CAPNS1: variants seen among roughly 807,000 people sequenced by gnomAD.
CAPNS1 encodes the protein CANP small subunit.
A neutral mutation model predicts 39.2 loss-of-function variants in CAPNS1; 32 were observed. The ratio of observed to expected loss-of-function variants is 0.82; its 90% CI spans 0.62 to 1.10. CAPNS1 has a LOEUF of 1.10. Ranked by LOEUF, CAPNS1 falls within the 50% of genes least tolerant of loss-of-function variation. The pLI is 0.00. For missense variants in CAPNS1, 353 were observed against 373.1 expected (o/e 0.95, Z 0.44); for synonymous variants, 153 against 136.2 (o/e 1.12, Z -0.86).
Position 36,146,069 on chromosome 19 carries a change from G to T in CAPNS1, c.604+15G>T. On this transcript the variant is annotated intron_variant, in intron 8 of 10. Coordinates refer to ENST00000246533, the MANE Select transcript of CAPNS1 (RefSeq NM_001749.4). ...TGAGGCAGCAGGTATGGCTGGCAGG[G>T]ACATGCTGGGGCTGGGAGTGGGATG... The T allele has an allele frequency of 6.2e-7, 1 of 1,613,380 alleles. No homozygotes were observed. Among genetic ancestry groups the T allele is most frequent in the Non-Finnish European group, 8.5e-7 (1 of 1,179,356 alleles).
Position 36,141,063 on chromosome 19 carries a change from G to C in CAPNS1, c.52G>C (p.Gly18Arg). ...LKGGGGGGGG[G>R]GGLGGGLGNV... ...GGGCGGCGGCGGCGGCGGCGGGGGA[G>C]GCGGGGGCCTGGGTGGGGGCCTGGG... Residue 18 changes from glycine to arginine, a missense_variant, in exon 2 of 11, where the codon GGC becomes CGC. Coordinates refer to ENST00000246533, the MANE Select transcript of CAPNS1 (RefSeq NM_001749.4). 1 of 1,524,960 alleles carries C rather than the reference G, an allele frequency of 6.6e-7. No individual in the cohort carries two copies. Among genetic ancestry groups the C allele is most frequent in the Middle Eastern group, 2.3e-4 (1 of 4,264 alleles). The allele number at this position is 1,524,960 out of a possible 1,614,324, so 94.5% of individuals were successfully genotyped here. A position where few individuals can be genotyped will look rare whatever the true frequency, so the allele number is the denominator to read the frequency against.
Position 36,142,967 on chromosome 19 carries a change from G to C in CAPNS1, c.391+1G>C. On this transcript the variant is annotated splice_donor_variant, in intron 5 of 10. Transcript: ENST00000246533. LOFTEE classifies it high-confidence loss of function. ...ATTCTCAATAAGGTTGTGACACGAC[G>C]TAAGTGACCGGGGTTAAGGAATAGG... 1 of 1,614,160 alleles carries C rather than the reference G, an allele frequency of 6.2e-7. No homozygotes were observed. Among genetic ancestry groups the C allele is most frequent in the East Asian group, 2.2e-5 (1 of 44,882 alleles).
At chr19:36,144,482 C>T (rs1036429179) in intron 6 of CAPNS1, among the ~76,000 whole-genome samples, 6 of 152,302 alleles carry the variant, frequency 3.9e-5, no homozygotes, top group Non-Finnish European at 8.8e-5. Context: ...CAGGGACACA[C>T]GTGTTATCTG....
In CAPNS1 at chr19:36,141,121, G is replaced by GA; in HGVS notation, c.110_111insA (p.Gly39ArgfsTer53). The GA allele has an allele frequency of 2.9e-6, 4 of 1,379,766 alleles. No homozygotes were observed. Among genetic ancestry groups the GA allele is most frequent in the Non-Finnish European group, 3.8e-6 (4 of 1,066,228 alleles). 85.5% of individuals were successfully genotyped at this position (1,379,766 alleles called of 1,614,324 possible). On this transcript the variant is annotated frameshift_variant, in exon 2 of 11. Transcript: ENST00000246533. LOFTEE classifies it high-confidence loss of function. Reference sequence around the variant, plus strand: ...CTTGGAGGCCTGATCAGCGGGGCCGGGGGCGGCGGCGGCGGCGGCGGCGGC... The same window carrying GA: ...CTTGGAGGCCTGATCAGCGGGGCCGGAGGGCGGCGGCGGCGGCGGCGGCGGC...
intron 2 of CAPNS1, chr19:36,141,818 G>C (rs1284751628): frequency 9.7e-6 from 2 of 205,662 alleles, no homozygotes; most frequent in African/African-American, 2.4e-5. Flanking sequence ...TGAAGGGGCG[G>C]GGACCAATGG....
Position 36,142,670 on chromosome 19 carries a change from T to C in CAPNS1, c.262T>C (p.Ser88Pro), listed in dbSNP as rs769151310. The change falls in exon 4 of 11, where the codon TCC becomes CCC. Residue 88 changes from serine (S) to proline (P), a missense_variant. Physicochemically the swap from Ser to Pro is moderately conservative, Grantham distance 74. Coordinates refer to ENST00000246533, the MANE Select transcript of CAPNS1 (RefSeq NM_001749.4). Reference protein sequence around the residue: ...PEPPPPRTHYSNIEANESEEV... With the variant: ...PEPPPPRTHYPNIEANESEEV... ...TTTGCAGCCCCCACGCACACATTAC[T>C]CCAACATTGAGGCCAACGAGAGTGA... The C allele has an allele frequency of 5.6e-6, 9 of 1,613,882 alleles. No individual in the cohort carries two copies. The Admixed American group carries it at 1.3e-4, about 24-fold the overall frequency.
chr19:36,143,041 G>T, intron 5 of CAPNS1, 23 bp from the exon 6 acceptor site: 1 of 1,614,090 alleles, frequency 6.2e-7, no homozygotes, highest in Non-Finnish European at 8.5e-7. Context: ...TCTGGCCTCT[G>T]ACTTTCAACC....
rs1404061685 is a variant in CAPNS1, at chr19:36,140,988, T to A, written c.-15-9T>A. 2 of 1,556,034 alleles carry A rather than the reference T, an allele frequency of 1.3e-6. No homozygotes were observed. The highest frequency in any genetic ancestry group is 1.7e-6 in the Non-Finnish European group (2 of 1,148,306). On this transcript the variant is annotated splice_polypyrimidine_tract_variant and intron_variant, in intron 1 of 10. Coordinates refer to ENST00000246533, the MANE Select transcript of CAPNS1 (RefSeq NM_001749.4). ...CGAAGCACCCACTGGTCCCCTTTTT[T>A]CCCCCCAGCAGTGAGTCGCAGCCAT... is the stretch of plus-strand genomic sequence containing the variant.
chr19:36,144,864 C>A (rs1337986052), intron 6 of CAPNS1, among the ~76,000 whole-genome samples: 1 of 152,232 alleles, frequency 6.6e-6, no homozygotes, highest in African/African-American at 2.4e-5. Context: ...GATACCGAAT[C>A]GGAACTACAT....
At chr19:36,142,558 C>G (rs1010089622) in intron 3 of CAPNS1, 94 bp from the exon 4 acceptor site, 14 of 950,188 alleles carry the variant, frequency 1.5e-5, no homozygotes, top group Non-Finnish European at 2.3e-5. Flanking sequence ...AGCTGCCCAG[C>G]CCACTCTGAC....
At chr19:36,145,753 G>A (rs756352575) in intron 6 of CAPNS1, 53 bp from the exon 7 acceptor site, 1 of 1,490,014 alleles carries the variant, frequency 6.7e-7, no homozygotes, top group African/African-American at 1.4e-5. Context: ...CACAGTGCAT[G>A]TGATGCATGC....
At position 36,141,038 on chromosome 19, in the gene CAPNS1, GGGCGGCGGC is replaced by G. The variant is rs747214647; in HGVS notation, c.39_47del (p.Gly18_Gly20del). The G allele has an allele frequency of 2.1e-5, 33 of 1,539,566 alleles. No homozygotes were observed. The highest frequency in any genetic ancestry group is 5.7e-5 in the South Asian group (5 of 87,752). On this transcript the variant is annotated inframe_deletion, in exon 2 of 11. Transcript: ENST00000246533. ...TGTTCCTGGTTAACTCGTTCTTGAAGGGCGGCGGCGGCGGCGGCGGGGGAGGCGGGGGCC... is the reference window on the plus strand; with the variant it reads ...TGTTCCTGGTTAACTCGTTCTTGAAGGGCGGCGGCGGGGGAGGCGGGGGCC...
At position 36,142,317 on chromosome 19, in the gene CAPNS1, A is replaced by G. The variant is rs139109553; in HGVS notation, c.227A>G (p.Tyr76Cys). The G allele has an allele frequency of 3.2e-5, 51 of 1,569,782 alleles. No individual in the cohort carries two copies. Among genetic ancestry groups the G allele is most frequent in the Non-Finnish European group, 4.0e-5 (46 of 1,151,796 alleles). The part of the protein sequence containing the change: ...ISAISEAAAQ[Y>C]NPEPPPPRTH... ...CTTCGCAGCGAGGCGGCTGCGCAGTACAACCCGGAGCCCCCGGTAAGCCCC... is the reference window on the plus strand; with the variant it reads ...CTTCGCAGCGAGGCGGCTGCGCAGTGCAACCCGGAGCCCCCGGTAAGCCCC... The change falls in exon 3 of 11, where the codon TAC (tyrosine) becomes TGC (cysteine). Residue 76 changes from tyrosine (Y) to cysteine (C), a missense_variant. By Grantham distance (194) the Tyr-to-Cys change is radical. Transcript: ENST00000246533.
At chr19:36,142,803 C>G (rs1974427589) in intron 4 of CAPNS1, 62 bp downstream of exon 4, 2 of 1,579,954 alleles carry the variant, frequency 1.3e-6, no homozygotes, top group Non-Finnish European at 1.7e-6. Flanking sequence ...TGTGGCTGCC[C>G]TTGCACACAC....
At position 36,143,093 on chromosome 19, in the gene CAPNS1, A is replaced by G. The variant is rs1474569985; in HGVS notation, c.421A>G (p.Ile141Val). ...TGATCTGAAGACTGATGGTTTTGGCATTGACACATGTCGCAGCATGGTGGC... is the reference window on the plus strand; with the variant it reads ...TGATCTGAAGACTGATGGTTTTGGCGTTGACACATGTCGCAGCATGGTGGC... ...HPDLKTDGFG[I>V]DTCRSMVAVM... is the part of the protein sequence containing the mutation. Residue 141 changes from isoleucine to valine, a missense_variant, in exon 6 of 11, where the codon ATT becomes GTT. Ile to Val is a conservative substitution (Grantham distance 29). Transcript: ENST00000246533. 1.2e-6 allele frequency: 2 copies of G among 1,614,180 alleles called. No homozygotes were observed. Among genetic ancestry groups the G allele is most frequent in the South Asian group, 1.1e-5 (1 of 91,080 alleles).
intron 6 of CAPNS1, among the ~76,000 whole-genome samples, chr19:36,144,717 C>T (rs1974502680): frequency 6.6e-6 from 1 of 152,120 alleles, no homozygotes; most frequent in South Asian, 2.1e-4. Flanking sequence ...CAAACAGACA[C>T]ATACATAATA....
chr19:36,141,253 G>A (rs776601614), intron 2 of CAPNS1, 33 bp downstream of exon 2: 1 of 1,501,592 alleles, frequency 6.7e-7, no homozygotes, highest in Non-Finnish European at 8.8e-7. Context: ...GGCGGGGCCT[G>A]GGAATGGGAG....
At chr19:36,146,889 A>G (rs1248574465) in intron 9 of CAPNS1, among the ~76,000 whole-genome samples, 2 of 152,210 alleles carry the variant, frequency 1.3e-5, no homozygotes, top group African/African-American at 4.8e-5. Context: ...CTTGTTGCCC[A>G]GGCTGGAGTG....
Position 36,142,959 on chromosome 19 carries a change from G to A in CAPNS1, c.384G>A (p.Val128=), listed in dbSNP as rs758520101. 1 of 1,614,210 alleles carries A rather than the reference G, an allele frequency of 6.2e-7. No individual in the cohort carries two copies. Among genetic ancestry groups the A allele is most frequent in the Admixed American group, 1.7e-5 (1 of 60,026 alleles). Residue 128 remains valine (V), a synonymous_variant, in exon 5 of 11, where the codon GTG becomes GTA. Coordinates refer to ENST00000246533, the MANE Select transcript of CAPNS1 (RefSeq NM_001749.4). ...TELMNILNKV[V]TRHPDLKTDG... ...TCATGAACATTCTCAATAAGGTTGT[G>A]ACACGACGTAAGTGACCGGGGTTAA...
Sources: gnomAD v4.1 joint callset for allele counts (sites outside exome capture counted in the v4.1 genomes callset) on GRCh38, gnomAD v4.1.1 for gene constraint, MANE v1.5 for transcripts, NCBI Gene and HGNC (gene_info 2026-07-23, HGNC 2026-07-21) for gene names.